The following ST3GAL1 variants were observed in gnomAD, a reference collection of about 807,000 sequenced individuals.
ST3GAL1 encodes the protein ST3 beta-galactoside alpha-2,3-sialyltransferase 1.
ST3GAL1 carries 16 observed loss-of-function variants against 34.1 expected under a neutral mutation model. That is an observed-to-expected ratio of 0.47 (90% CI 0.32 to 0.71). ST3GAL1 has a LOEUF of 0.71. ST3GAL1 is among the 30% of genes least tolerant of loss of function. The pLI is 0.04. For missense variants in ST3GAL1, 353 were observed against 447.4 expected (o/e 0.79, Z 1.90); for synonymous variants, 191 against 184.7 (o/e 1.03, Z -0.28).
At chr8:133,554,162 T>A (rs1253250365) in intron 1 of ST3GAL1, among the ~76,000 whole-genome samples, 1 of 152,140 alleles carries the variant, frequency 6.6e-6, no homozygotes, top group East Asian at 1.9e-4. Context: ...ACCAGGCACT[T>A]TTCCAAAAGT....
rs538285203 is a variant in ST3GAL1 at position 133,557,681 on chromosome 8, C to T, written c.-581-11755G>A. Among the ~76,000 whole-genome samples the T allele has an allele frequency of 1.2e-3, 178 of 152,280 alleles. 1 individual carries two copies. The highest frequency in any genetic ancestry group is 2.5e-3 in the Admixed American group (38 of 15,282). ...TGACCAACATGGTGAAACCCTGTCT[C>T]TACTAAAAATACAAAAATTAGCCAG... On this transcript the variant is annotated intron_variant, in intron 1 of 9. Transcript: ENST00000522652.
rs1227277128 is a variant in ST3GAL1 at position 133,467,144 on chromosome 8, G to A, written c.307-1054C>T. The stretch of plus-strand genomic sequence containing the variant: ...CTCGAGGGTCAGCTGCTCGCAGATT[G>A]AATGCCAGTCTTATTCCAGGGTGAC... On this transcript the variant is annotated intron_variant, in intron 5 of 9. Transcript: ENST00000522652. This position sits in a 1 kb window ranked among gnomAD's most constrained non-coding sequence, Gnocchi z 4.2. Among the ~76,000 whole-genome samples, 1 of 151,432 alleles carries A rather than the reference G, an allele frequency of 6.6e-6. No homozygotes were observed. The highest frequency in any genetic ancestry group is 2.4e-5 in the African/African-American group (1 of 41,258).
At chr8:133,480,943 C>T (rs971794495) in intron 3 of ST3GAL1, among the ~76,000 whole-genome samples, 8 of 152,186 alleles carry the variant, frequency 5.3e-5, no homozygotes, top group Non-Finnish European at 1.0e-4. Flanking sequence ...GGAATTTCTA[C>T]CTAATTTTTT....
At chr8:133,553,148 T>C (rs368578132) in intron 1 of ST3GAL1, among the ~76,000 whole-genome samples, 2 of 152,222 alleles carry the variant, frequency 1.3e-5, no homozygotes, top group African/African-American at 4.8e-5. Flanking sequence ...ACCCCACTGT[T>C]TGCATAAAAA....
chr8:133,464,656 C>A (rs192476868), intron 7 of ST3GAL1, 122 bp downstream of exon 7: 4 of 1,077,742 alleles, frequency 3.7e-6, no homozygotes, highest in Non-Finnish European at 5.4e-6. Flanking sequence ...TTGTGTGTGC[C>A]GGAGGAGGCT....
At chr8:133,471,755 G>A (rs561770780) in intron 5 of ST3GAL1, among the ~76,000 whole-genome samples, 1 of 152,182 alleles carries the variant, frequency 6.6e-6, no homozygotes, top group African/African-American at 2.4e-5. Context: ...GTGGTACCTG[G>A]AAAGCTGGGC....
chr8:133,567,378 C>T (rs1261606854), intron 1 of ST3GAL1: 1 of 152,210 alleles, frequency 6.6e-6, no homozygotes, highest in Non-Finnish European at 1.5e-5. Flanking sequence ...AACAACCCAA[C>T]CACCACCAAT....
Position 133,467,215 on chromosome 8 carries a change from G to T in ST3GAL1, c.307-1125C>A, listed in dbSNP as rs1486517030. ...AGGTTAAGGGGTTTCCCTAGATGCA[G>T]GACTCTCAGTGCTAAAACCAGGATG... On this transcript the variant is annotated intron_variant, in intron 5 of 9. Coordinates refer to ENST00000522652, the MANE Select transcript of ST3GAL1 (RefSeq NM_173344.3). The surrounding 1 kb of genome is among the most constrained non-coding windows in gnomAD (Gnocchi z 4.2). 6.6e-6 allele frequency among the ~76,000 whole-genome samples: 1 copy of T among 152,170 alleles called. No homozygotes were observed. The highest frequency in any genetic ancestry group is 2.4e-5 in the African/African-American group (1 of 41,442).
chr8:133,547,698 T>C (rs900852401), intron 1 of ST3GAL1, among the ~76,000 whole-genome samples: 1 of 152,192 alleles, frequency 6.6e-6, no homozygotes. Flanking sequence ...ACAGAAATCA[T>C]AAATGTCTGT....
chr8:133,505,618 T>C lies in ST3GAL1; in HGVS notation c.-428-6429A>G, dbSNP rs188532729. Among the ~76,000 whole-genome samples the C allele has an allele frequency of 5.4e-3, 826 of 152,046 alleles. 6 individuals carry two copies. The highest frequency in any genetic ancestry group is 0.017 in the Middle Eastern group (5 of 294). On this transcript the variant is annotated intron_variant, in intron 2 of 9. Transcript: ENST00000522652. ...TCTTTCTTTTCTTTTCTTTTTTTTT[T>C]TGAGACGAAGTTTCACTCTTGTCGC...
At chr8:133,511,779 C>T (rs574921937) in intron 2 of ST3GAL1, among the ~76,000 whole-genome samples, 2 of 152,292 alleles carry the variant, frequency 1.3e-5, no homozygotes, top group East Asian at 3.9e-4. Context: ...GAAGGCCAGG[C>T]ACGGTGGCTC....
intron 2 of ST3GAL1, among the ~76,000 whole-genome samples, chr8:133,542,641 C>T (rs574052854): frequency 5.3e-5 from 8 of 151,978 alleles, no homozygotes; most frequent in African/African-American, 1.7e-4. Context: ...TGGGCATGGT[C>T]GTACATGCCC....
intron 1 of ST3GAL1, among the ~76,000 whole-genome samples, chr8:133,559,827 C>T (rs1411108020): frequency 6.6e-6 from 1 of 152,208 alleles, no homozygotes; most frequent in Non-Finnish European, 1.5e-5. Context: ...GCAAACTTTG[C>T]ACTCAGCCTT....
intron 2 of ST3GAL1, among the ~76,000 whole-genome samples, chr8:133,528,807 C>T (rs1047005253): frequency 1.3e-5 from 2 of 152,228 alleles, no homozygotes; most frequent in African/African-American, 4.8e-5. Context: ...AAGGGTAGGA[C>T]CACATTTCCC....
intron 1 of ST3GAL1, among the ~76,000 whole-genome samples, chr8:133,562,093 A>T (rs971339367): frequency 4.0e-5 from 6 of 151,262 alleles, no homozygotes; most frequent in Non-Finnish European, 7.4e-5. Context: ...AAATAAAAAT[A>T]AAAAAAAAGA....
At position 133,469,831 on chromosome 8, in the gene ST3GAL1, C is replaced by G. The variant is rs1434605425; in HGVS notation, c.307-3741G>C. On this transcript the variant is annotated intron_variant, in intron 5 of 9. Transcript: ENST00000522652. The surrounding 1 kb of genome is among the most constrained non-coding windows in gnomAD (Gnocchi z 4.3). ...TCTGTGATGCGACTTTCTCTAGTGC[C>G]CTGCCTCACCTAACATCACAAGCCC... Among the ~76,000 whole-genome samples, 1 of 152,156 alleles carries G rather than the reference C, an allele frequency of 6.6e-6. No homozygotes were observed. The highest frequency in any genetic ancestry group is 1.5e-5 in the Non-Finnish European group (1 of 68,026).
chr8:133,560,933 T>C (rs1422396336), intron 1 of ST3GAL1, among the ~76,000 whole-genome samples: 1 of 151,944 alleles, frequency 6.6e-6, no homozygotes, highest in African/African-American at 2.4e-5. Flanking sequence ...TAGGCTCCCA[T>C]AGTAAACGAA....
intron 2 of ST3GAL1, among the ~76,000 whole-genome samples, chr8:133,517,717 G>T (rs73708802): frequency 0.031 from 4,738 of 152,326 alleles, 81 homozygotes; most frequent in African/African-American, 0.047. Context: ...GTCCTTAACT[G>T]CTGAGCCTCA....
rs750841491 is a variant in ST3GAL1 at position 133,461,908 on chromosome 8, G to C, written c.816C>G (p.Leu272=). The C allele has an allele frequency of 1.9e-6, 3 of 1,614,102 alleles. No individual in the cohort carries two copies. The highest frequency in any genetic ancestry group is 1.7e-5 in the Admixed American group (1 of 60,012). Residue 272 remains leucine, a synonymous_variant, in exon 9 of 10, where the codon CTC becomes CTG. Coordinates refer to ENST00000522652, the MANE Select transcript of ST3GAL1 (RefSeq NM_173344.3). The surrounding 1 kb of genome is among the most constrained non-coding windows in gnomAD (Gnocchi z 4.7). The stretch of plus-strand genomic sequence containing the variant: ...AGACATGCATTGAGAAGATGACCGA[G>C]AGGATGCCGGTAGATGGGTATCGCC... ...GHGRYPSTGI[L]SVIFSMHVCD... is the part of the protein sequence containing the mutation.
Sources: allele counts gnomAD v4.1 joint callset (sites outside exome capture counted in the v4.1 genomes callset), GRCh38; gene constraint gnomAD v4.1.1; non-coding constraint Gnocchi (gnomAD v3.1); transcripts MANE v1.5; gene names NCBI Gene and HGNC (gene_info 2026-07-23, HGNC 2026-07-21).